Variants in LUZP2 observed in about 807,000 individuals in gnomAD.
LUZP2 encodes leucine zipper protein 2.
In LUZP2, 52 loss-of-function variants were observed where a neutral mutation model predicts 51.6. That is an observed-to-expected ratio of 1.01 (90% confidence interval 0.81 to 1.27). LUZP2 has a LOEUF of 1.27. LUZP2 is among the 50% of genes most tolerant of loss of function. LUZP2 has a pLI of 0.00. For synonymous variants in LUZP2, 154 were observed against 137.3 expected (o/e 1.12, Z -0.85); for missense variants, 436 against 395.4 (o/e 1.10, Z -0.87).
At chr11:24,760,484 T>C (rs1354002614) in intron 4 of LUZP2, among the ~76,000 whole-genome samples, 1 of 152,146 alleles carries the variant, frequency 6.6e-6, no homozygotes, top group Admixed American at 6.6e-5. Flanking sequence ...TTGGGGTTAC[T>C]GTCAATATTT....
chr11:24,762,099 T>TTCC (rs1860003747), intron 4 of LUZP2, among the ~76,000 whole-genome samples: 2 of 126,400 alleles, frequency 1.6e-5, no homozygotes, highest in South Asian at 5.1e-4. Context: ...TTACGTATTC[T>TTCC]TGTTCTTTTC....
intron 1 of LUZP2, among the ~76,000 whole-genome samples, chr11:24,704,414 C>A (rs1857509097): frequency 6.7e-6 from 1 of 150,080 alleles, no homozygotes; most frequent in Non-Finnish European, 1.5e-5. Flanking sequence ...CCATGTGTAT[C>A]TGGACAAGGT....
chr11:24,760,785 C>A (rs1254841746), intron 4 of LUZP2, among the ~76,000 whole-genome samples: 1 of 152,116 alleles, frequency 6.6e-6, no homozygotes, highest in Non-Finnish European at 1.5e-5. Flanking sequence ...TTGAAGATGT[C>A]AGAAAGAGGA....
intron 1 of LUZP2, among the ~76,000 whole-genome samples, chr11:24,728,133 T>C (rs1858554121): frequency 6.6e-6 from 1 of 152,004 alleles, no homozygotes; most frequent in African/African-American, 2.4e-5. Flanking sequence ...TTTGAGCCGT[T>C]TTCCCACAAT....
At chr11:24,782,083 A>G (rs1849112377) in intron 5 of LUZP2, among the ~76,000 whole-genome samples, 1 of 152,080 alleles carries the variant, frequency 6.6e-6, no homozygotes, top group Non-Finnish European at 1.5e-5. Context: ...GTAGATTTCT[A>G]ATAGCTGTTT....
At chr11:24,773,161 T>C (rs1848802228) in intron 5 of LUZP2, among the ~76,000 whole-genome samples, 1 of 152,122 alleles carries the variant, frequency 6.6e-6, no homozygotes, top group Non-Finnish European at 1.5e-5. Flanking sequence ...TAAAATTGCT[T>C]ATTTAAATGC....
At chr11:24,704,450 A>G (rs1367926784) in intron 1 of LUZP2, among the ~76,000 whole-genome samples, 6 of 151,886 alleles carry the variant, frequency 4.0e-5, no homozygotes, top group African/African-American at 1.5e-4. Context: ...ATCAGAAAAA[A>G]AAAAAACAGG....
intron 7 of LUZP2, among the ~76,000 whole-genome samples, chr11:24,926,302 TAC>T (rs1283451266): frequency 1.5e-5 from 2 of 135,638 alleles, no homozygotes; most frequent in African/African-American, 2.8e-5. Context: ...TGTATATATA[TAC>T]GTGTGTATAT....
chr11:24,544,354 G>C (rs537339651), intron 1 of LUZP2, among the ~76,000 whole-genome samples: 6 of 152,098 alleles, frequency 3.9e-5, no homozygotes, highest in African/African-American at 1.4e-4. Context: ...TGTGTCATGG[G>C]GGTATGTTGT....
chr11:24,992,364 T>G (rs1461254305), intron 9 of LUZP2, among the ~76,000 whole-genome samples: 40 of 152,116 alleles, frequency 2.6e-4, no homozygotes, highest in Non-Finnish European at 8.8e-5. Context: ...TGTGTCTATG[T>G]GTGATGGGGG....
At chr11:24,907,161 G>A (rs1853479830) in intron 6 of LUZP2, among the ~76,000 whole-genome samples, 1 of 152,030 alleles carries the variant, frequency 6.6e-6, no homozygotes, top group Non-Finnish European at 1.5e-5. Context: ...GCTAAAACTA[G>A]CTCACATGCT....
Position 24,761,292 on chromosome 11 carries a change from G to T in LUZP2, c.334-1954G>T, listed in dbSNP as rs555142185. 2.0e-5 allele frequency among the ~76,000 whole-genome samples: 3 copies of T among 152,224 alleles called. No individual in the cohort carries two copies. In the South Asian group the frequency reaches 6.2e-4, roughly 32 times the overall value. ...GAACAGGAGGAAGACAGAGAAGGGG[G>T]AGAGATGCTACATACTTTTAAACAA... On this transcript the variant is annotated intron_variant, in intron 4 of 11. Coordinates refer to ENST00000336930, the MANE Select transcript of LUZP2 (RefSeq NM_001009909.4).
At chr11:24,754,871 C>T (rs1859714164) in intron 4 of LUZP2, among the ~76,000 whole-genome samples, 1 of 152,220 alleles carries the variant, frequency 6.6e-6, no homozygotes. Flanking sequence ...ACTGGCTGGG[C>T]TTGGTGGCTC....
intron 5 of LUZP2, among the ~76,000 whole-genome samples, chr11:24,841,765 A>C (rs923054739): frequency 1.3e-5 from 2 of 152,138 alleles, no homozygotes; most frequent in Non-Finnish European, 2.9e-5. Context: ...CTAGCAGGTT[A>C]GAGTTGCTAA....
intron 1 of LUZP2, among the ~76,000 whole-genome samples, chr11:24,597,317 C>A (rs757053365): frequency 1.3e-5 from 2 of 152,156 alleles, no homozygotes; most frequent in Non-Finnish European, 2.9e-5. Context: ...ACAGGAATCT[C>A]CTGCACAGTA....
At chr11:24,639,538 G>A (rs1035999461) in intron 1 of LUZP2, among the ~76,000 whole-genome samples, 4 of 151,622 alleles carry the variant, frequency 2.6e-5, no homozygotes, top group Admixed American at 6.6e-5. Context: ...CGCAACCTCC[G>A]CCTCCTGGGT....
chr11:24,503,571 T>G (rs1850064826), intron 1 of LUZP2, among the ~76,000 whole-genome samples: 1 of 152,164 alleles, frequency 6.6e-6, no homozygotes, highest in Admixed American at 6.5e-5. Flanking sequence ...CTTTCCAGTG[T>G]TTTAATCTCT....
At chr11:25,041,009 G>C (rs902594477) in intron 9 of LUZP2, among the ~76,000 whole-genome samples, 1 of 152,062 alleles carries the variant, frequency 6.6e-6, no homozygotes, top group Non-Finnish European at 1.5e-5. Flanking sequence ...AGTGGCTACA[G>C]GCTATGTGCC....
chr11:24,981,752 G>A (rs1856037854), intron 8 of LUZP2, among the ~76,000 whole-genome samples: 1 of 151,842 alleles, frequency 6.6e-6, no homozygotes, highest in South Asian at 2.1e-4. Flanking sequence ...CATTGCTATG[G>A]CAACGATTCT....
Sources: allele counts gnomAD v4.1 joint callset (sites outside exome capture counted in the v4.1 genomes callset), GRCh38; gene constraint gnomAD v4.1.1; transcripts MANE v1.5; gene names NCBI Gene and HGNC (gene_info 2026-07-23, HGNC 2026-07-21).